The following CYP4F8 variants were observed in gnomAD, a reference collection of about 807,000 sequenced individuals.
CYP4F8 encodes the protein cytochrome P450 family 4 subfamily F member 8.
A neutral mutation model predicts 55.0 loss-of-function variants in CYP4F8; 56 were observed. The ratio of observed to expected loss-of-function variants is 1.02; its 90% CI spans 0.82 to 1.27. CYP4F8 has a LOEUF of 1.27. Among genes scored for constraint, CYP4F8 ranks in the 50% most tolerant of loss-of-function variants. The pLI, the probability that CYP4F8 is intolerant of heterozygous loss-of-function variation, is 0.00. For missense variants in CYP4F8, 680 were observed against 682.4 expected (o/e 1.00, Z 0.04); for synonymous variants, 288 against 267.3 (o/e 1.08, Z -0.76).
At position 15,615,733 on chromosome 19, in the gene CYP4F8, T is replaced by C; in HGVS notation, c.117T>C (p.Tyr39=). The part of the protein sequence containing the change: ...WLLARILAWT[Y]AFYHNGRRLR... ...TGGCCCGCATCCTGGCCTGGACCTA[T>C]GCCTTCTATCACAACGGCCGCCGCC... The change falls in exon 2 of 13, where the codon TAT becomes TAC. Residue 39 remains tyrosine, a synonymous_variant. Transcript: ENST00000612078. The C allele has an allele frequency of 1.2e-6, 2 of 1,614,116 alleles. No individual in the cohort carries two copies. The highest frequency in any genetic ancestry group is 1.7e-6 in the Non-Finnish European group (2 of 1,179,982).
intron 9 of CYP4F8, among the ~76,000 whole-genome samples, chr19:15,625,927 A>C (rs1414149173): frequency 6.6e-6 from 1 of 152,078 alleles, no homozygotes; most frequent in Non-Finnish European, 1.5e-5. Flanking sequence ...TTAAAATTCT[A>C]TATATGTTTT....
At position 15,628,758 on chromosome 19, in the gene CYP4F8, C is replaced by G. The variant is rs780938331; in HGVS notation, c.1315-3C>G. 1 of 1,613,582 alleles carries G rather than the reference C, an allele frequency of 6.2e-7. No individual in the cohort carries two copies. The highest frequency in any genetic ancestry group is 1.1e-5 in the South Asian group (1 of 91,046). The stretch of plus-strand genomic sequence containing the variant: ...CAGCAGCCTTAACTTGCCTCCACCC[C>G]AGGTCTATGACCCCTTCCGCTTCGA... On this transcript the variant is annotated splice_polypyrimidine_tract_variant and splice_region_variant and intron_variant, in intron 11 of 12. Coordinates refer to ENST00000612078, the MANE Select transcript of CYP4F8 (RefSeq NM_007253.4).
At position 15,628,854 on chromosome 19, in the gene CYP4F8, G is replaced by T. The variant is rs1391559120; in HGVS notation, c.1397+11G>T. The stretch of plus-strand genomic sequence containing the variant: ...CTCGGCGGGGCCCAGGTGAGGCCAG[G>T]GGGTGTCTGAGGTGGGCATGGGCTG... On this transcript the variant is annotated intron_variant, in intron 12 of 12. Transcript: ENST00000612078. 2 of 1,582,910 alleles carry T rather than the reference G, an allele frequency of 1.3e-6. No individual in the cohort carries two copies. Among genetic ancestry groups the T allele is most frequent in the South Asian group, 2.3e-5 (2 of 88,384 alleles).
At chr19:15,628,274 T>C (rs4239613) in intron 9 of CYP4F8, 28 bp from the exon 10 acceptor site, 1,184,054 of 1,613,462 alleles carry the variant, frequency 0.73, 435,399 homozygotes, top group Admixed American at 0.79. Context: ...GTGTATGCTC[T>C]CTGGATAATT....
At chr19:15,623,510 A>C in intron 7 of CYP4F8, 135 bp downstream of exon 7, 1 of 1,399,018 alleles carries the variant, frequency 7.1e-7, no homozygotes, top group Non-Finnish European at 9.6e-7. Context: ...GACAAGTCAG[A>C]TAAATTTTAG....
intron 5 of CYP4F8, among the ~76,000 whole-genome samples, chr19:15,620,320 AC>A (rs1346410316): frequency 3.9e-5 from 6 of 152,146 alleles, no homozygotes; most frequent in African/African-American, 1.4e-4. Context: ...CCTCTAGATG[AC>A]ACCCCAGGAT....
rs536952091 is a variant in CYP4F8, at chr19:15,620,295, C to A, written c.525+533C>A. 1.8e-4 allele frequency among the ~76,000 whole-genome samples: 28 copies of A among 152,266 alleles called. No homozygotes were observed. In the South Asian group the frequency reaches 5.4e-3, roughly 29 times the overall value. On this transcript the variant is annotated intron_variant, in intron 5 of 12. Transcript: ENST00000612078. ...TCAGCTGGGACACCTGGACTTTTCTCCATGTGATTCTCTGCCTCTAGATGA... is the reference window on the plus strand; with the variant it reads ...TCAGCTGGGACACCTGGACTTTTCTACATGTGATTCTCTGCCTCTAGATGA...
At chr19:15,623,799 A>T in intron 8 of CYP4F8, 34 bp downstream of exon 8, 1 of 1,612,286 alleles carries the variant, frequency 6.2e-7, no homozygotes, top group Non-Finnish European at 8.5e-7. Flanking sequence ...CAGTGGGGAC[A>T]GGGGTCTCTC....
chr19:15,622,322 T>G lies in CYP4F8; in HGVS notation c.629T>G (p.Phe210Cys). 6.2e-7 allele frequency: 1 copy of G among 1,612,794 alleles called. No individual in the cohort carries two copies. Among genetic ancestry groups the G allele is most frequent in the Non-Finnish European group, 8.5e-7 (1 of 1,179,804 alleles). The change falls in exon 6 of 13, where the codon TTT becomes TGT. Residue 210 changes from phenylalanine to cysteine, a missense_variant. Physicochemically the swap from Phe to Cys is radical, Grantham distance 205. Transcript: ENST00000612078. Reference protein sequence around the residue: ...LDSLQKCIFSFDSNCQEKPSE... With the variant: ...LDSLQKCIFSCDSNCQEKPSE... ...AGTCTGCAGAAATGCATCTTCAGCT[T>G]TGACAGCAATTGTCAGGAGTGAGTT...
chr19:15,628,794 G>A lies in CYP4F8; in HGVS notation c.1348G>A (p.Ala450Thr). The change falls in exon 12 of 13, where the codon GCC becomes ACC. Residue 450 changes from alanine (A) to threonine (T), a missense_variant. Transcript: ENST00000612078. ...CCCCTTCCGCTTCGACCCAGAAAACGCCCAGAAGAGGTCACCTATGGCTTT... is the reference window on the plus strand; with the variant it reads ...CCCCTTCCGCTTCGACCCAGAAAACACCCAGAAGAGGTCACCTATGGCTTT... ...YDPFRFDPENAQKRSPMAFIP... is the reference protein window; with the variant it reads ...YDPFRFDPENTQKRSPMAFIP... The A allele has an allele frequency of 6.2e-7, 1 of 1,610,866 alleles. No homozygotes were observed. Among genetic ancestry groups the A allele is most frequent in the Non-Finnish European group, 8.5e-7 (1 of 1,178,782 alleles).
At chr19:15,628,927 A>T in intron 12 of CYP4F8, 84 bp downstream of exon 12, 1 of 1,434,256 alleles carries the variant, frequency 7.0e-7, no homozygotes, top group Non-Finnish European at 9.4e-7. Flanking sequence ...TTGTAGGACC[A>T]CGTGTTTCTG....
chr19:15,626,610 T>TATCTATC (rs1972265376), intron 9 of CYP4F8, among the ~76,000 whole-genome samples: 1 of 129,990 alleles, frequency 7.7e-6, no homozygotes, highest in African/African-American at 3.2e-5. Flanking sequence ...TCTGGATATC[T>TATCTATC]ATCTATCTAT....
At chr19:15,620,873 T>C (rs994938675) in intron 5 of CYP4F8, among the ~76,000 whole-genome samples, 1 of 152,230 alleles carries the variant, frequency 6.6e-6, no homozygotes, top group African/African-American at 2.4e-5. Flanking sequence ...CCAAGCGTTT[T>C]GTGAAACGAC....
chr19:15,619,243 C>A (rs1260824070), intron 3 of CYP4F8: 1 of 494,400 alleles, frequency 2.0e-6, no homozygotes. Context: ...CATGTAGGAG[C>A]CATGTCAAGA....
At chr19:15,619,850 T>G in intron 5 of CYP4F8, 88 bp downstream of exon 5, 1 of 1,524,692 alleles carries the variant, frequency 6.6e-7, no homozygotes, top group Non-Finnish European at 8.9e-7. Context: ...CTCTCCTGGG[T>G]GGGTTTGGGG....
Position 15,628,380 on chromosome 19 carries a change from C to T in CYP4F8, c.1194C>T (p.Phe398=), listed in dbSNP as rs61748806. The change falls in exon 10 of 13, where the codon TTC becomes TTT. Residue 398 remains phenylalanine, a synonymous_variant. Coordinates refer to ENST00000612078, the MANE Select transcript of CYP4F8 (RefSeq NM_007253.4). ...SLRLHPPIPT[F]ARGCTQDVVL... is the part of the protein sequence containing the mutation. ...GGTTGCATCCCCCAATCCCTACATT[C>T]GCCCGCGGCTGCACCCAGGACGTGG... 291 of 1,613,992 alleles carry T rather than the reference C, an allele frequency of 1.8e-4. No homozygotes were observed. The highest frequency in any genetic ancestry group is 6.5e-4 in the Admixed American group (39 of 60,004).
chr19:15,625,202 C>T (rs1012466301), intron 9 of CYP4F8, among the ~76,000 whole-genome samples: 2 of 151,092 alleles, frequency 1.3e-5, no homozygotes, highest in Non-Finnish European at 3.0e-5. Context: ...AGAAATTTTT[C>T]CCTTTGAAAT....
At position 15,622,202 on chromosome 19, in the gene CYP4F8, C is replaced by T. The variant is rs149947209; in HGVS notation, c.526-17C>T. ...GAGCCAAGGCCTGGCCCCAGCCCTG[C>T]TCCCTTCTCTGGCCAGGCCAAGTGG... On this transcript the variant is annotated splice_polypyrimidine_tract_variant and intron_variant, in intron 5 of 12. Coordinates refer to ENST00000612078, the MANE Select transcript of CYP4F8 (RefSeq NM_007253.4). The T allele has an allele frequency of 2.6e-3, 4,263 of 1,611,560 alleles. 13 individuals are homozygous for T. The highest frequency in any genetic ancestry group is 3.6e-3 in the Middle Eastern group (22 of 6,032).
At position 15,623,684 on chromosome 19, in the gene CYP4F8, G is replaced by C. The variant is rs375912530; in HGVS notation, c.919-15G>C. ...GTGACCCCAGAACTAGTGTGATTGGGGTTCTTGTCTCCAGGATAAAAATGG... is the reference window on the plus strand; with the variant it reads ...GTGACCCCAGAACTAGTGTGATTGGCGTTCTTGTCTCCAGGATAAAAATGG... On this transcript the variant is annotated splice_polypyrimidine_tract_variant and intron_variant, in intron 7 of 12. Transcript: ENST00000612078. The C allele has an allele frequency of 6.2e-7, 1 of 1,613,978 alleles. No individual in the cohort carries two copies. Among genetic ancestry groups the C allele is most frequent in the East Asian group, 2.2e-5 (1 of 44,884 alleles).
Sources: gnomAD v4.1 joint callset for allele counts (sites outside exome capture counted in the v4.1 genomes callset) on GRCh38, gnomAD v4.1.1 for gene constraint, MANE v1.5 for transcripts, NCBI Gene and HGNC (gene_info 2026-07-23, HGNC 2026-07-21) for gene names.